MTREX: variants seen among roughly 807,000 people sequenced by gnomAD.
MTREX encodes the protein Mtr4 exosome RNA helicase.
MTREX carries 76 observed loss-of-function variants against 135.4 expected under a neutral mutation model. The observed-to-expected ratio is 0.56, with a 90% CI of 0.47 to 0.68. The LOEUF is 0.68. Among genes scored for constraint, MTREX ranks in the 30% least tolerant of loss-of-function variants. The pLI is 0.00. For missense variants in MTREX, 920 were observed against 1,262.1 expected, an observed-to-expected ratio of 0.73 and a Z score of 4.11; for synonymous variants, 404 against 401.6, an observed-to-expected ratio of 1.01 and a Z score of -0.07.
In MTREX at chr5:55,415,960, A is replaced by T; in HGVS notation, c.2809-10A>T. ...ATAAGTAAGGAATTTTAACTCTTTTATCTTTAAAGGAATGTGCTAAAAGAA... is the reference window on the plus strand; with the variant it reads ...ATAAGTAAGGAATTTTAACTCTTTTTTCTTTAAAGGAATGTGCTAAAAGAA... On this transcript the variant is annotated splice_polypyrimidine_tract_variant and intron_variant, in intron 24 of 26. Transcript: ENST00000230640. 1 of 1,569,156 alleles carries T rather than the reference A, an allele frequency of 6.4e-7. No individual in the cohort carries two copies. Among genetic ancestry groups the T allele is most frequent in the South Asian group, 1.2e-5 (1 of 83,384 alleles).
chr5:55,399,190 C>G lies in MTREX; in HGVS notation c.2293-1043C>G, dbSNP rs573371638. ...CCTGAAACTGTACCATATGCACTTA[C>G]CAGAGATATCAGTCTTTTGAAAGAG... On this transcript the variant is annotated intron_variant, in intron 20 of 26. Transcript: ENST00000230640. Among the ~76,000 whole-genome samples the G allele has an allele frequency of 1.1e-4, 17 of 152,246 alleles. No individual in the cohort carries two copies. The South Asian group carries it at 3.5e-3, about 32-fold the overall frequency.
chr5:55,371,937 A>G (rs1390791486), intron 16 of MTREX, among the ~76,000 whole-genome samples: 2 of 152,194 alleles, frequency 1.3e-5, no homozygotes, highest in Non-Finnish European at 2.9e-5. Context: ...CACTAGTTAA[A>G]TAGTCTGAGC....
At chr5:55,311,186 ATCAAG>A in intron 1 of MTREX, among the ~76,000 whole-genome samples, 1 of 152,206 alleles carries the variant, frequency 6.6e-6, no homozygotes, top group Non-Finnish European at 1.5e-5. Flanking sequence ...CTTCACCAAT[ATCAAG>A]TCATGATCAG....
intron 16 of MTREX, among the ~76,000 whole-genome samples, chr5:55,373,041 A>C (rs1750231853): frequency 6.6e-6 from 1 of 151,540 alleles, no homozygotes; most frequent in Non-Finnish European, 1.5e-5. Context: ...AGGCCTTAGA[A>C]ATTAGATTTT....
chr5:55,318,473 C>T (rs987440711), intron 1 of MTREX, among the ~76,000 whole-genome samples: 6 of 152,314 alleles, frequency 3.9e-5, no homozygotes, highest in African/African-American at 1.4e-4. Context: ...TTTGCAGGAA[C>T]ATGGATGGAG....
chr5:55,354,464 G>C (rs1295816147), intron 14 of MTREX, among the ~76,000 whole-genome samples: 1 of 152,202 alleles, frequency 6.6e-6, no homozygotes, highest in East Asian at 1.9e-4. Context: ...TGAAATTGGT[G>C]ATTCTCTCTG....
chr5:55,378,184 C>CAT (rs1750336651), intron 16 of MTREX, 130 bp from the exon 17 acceptor site: 2 of 1,049,980 alleles, frequency 1.9e-6, no homozygotes, highest in Non-Finnish European at 1.3e-6. Flanking sequence ...TAGAGACTTA[C>CAT]AGGAAGGTGG....
intron 5 of MTREX, among the ~76,000 whole-genome samples, chr5:55,332,803 T>G (rs1265131540): frequency 6.6e-6 from 1 of 152,186 alleles, no homozygotes; most frequent in Non-Finnish European, 1.5e-5. Context: ...TACATACATT[T>G]CGTAGGGGTC....
At chr5:55,339,139 C>T (rs1749602439) in intron 5 of MTREX, among the ~76,000 whole-genome samples, 1 of 152,008 alleles carries the variant, frequency 6.6e-6, no homozygotes, top group Admixed American at 6.6e-5. Flanking sequence ...GTTTTGGTTC[C>T]TTTTTGAGAC....
Position 55,353,036 on chromosome 5 carries a change from C to G in MTREX, c.1432-132C>G, listed in dbSNP as rs563439605. On this transcript the variant is annotated intron_variant, in intron 13 of 26. Transcript: ENST00000230640. ...ATAAAATACGAAATAGGTTTGAGAA[C>G]ATATTGTTTGTTATTTTTGTAGGAT... is the stretch of plus-strand genomic sequence containing the variant. 1.0e-4 allele frequency: 51 copies of G among 492,898 alleles called. No individual in the cohort carries two copies. In the South Asian group the frequency reaches 1.7e-3, roughly 17 times the overall value. The allele number at this position is 492,898 out of a possible 1,614,324, so 30.5% of individuals were successfully genotyped here.
Position 55,388,061 on chromosome 5 carries a change from G to A in MTREX, c.2140G>A (p.Ala714Thr), listed in dbSNP as rs1750507337. 3 of 1,609,222 alleles carry A rather than the reference G, an allele frequency of 1.9e-6. No homozygotes were observed. The highest frequency in any genetic ancestry group is 1.6e-4 in the Middle Eastern group (1 of 6,064). The change falls in exon 19 of 27, where the codon GCT becomes ACT. Residue 714 changes from alanine (A) to threonine (T), a missense_variant. Ala to Thr is a moderately conservative substitution (Grantham distance 58). This residue lies in a region of MTREX where 467 missense variants were observed against 589.7 expected (regional missense o/e 0.79). Transcript: ENST00000230640. ...GAGCTTGAAAAATTCAGCTACAGAA[G>A]CTGCAAAACCAGCTAAACCTGATGA... ...KESLKNSATE[A>T]AKPAKPDEKG...
intron 2 of MTREX, 59 bp from the exon 3 acceptor site, chr5:55,324,070 CTTA>C (rs1244867616): frequency 1.7e-6 from 2 of 1,180,114 alleles, no homozygotes; most frequent in Non-Finnish European, 2.5e-6. Context: ...CAATGTGAGG[CTTA>C]TTATCAAATT....
chr5:55,340,605 G>A (rs1235061538), intron 6 of MTREX, among the ~76,000 whole-genome samples: 3 of 152,006 alleles, frequency 2.0e-5, no homozygotes, highest in Admixed American at 6.6e-5. Context: ...TTTTTGAGAT[G>A]GAGTCTCGTT....
intron 14 of MTREX, 87 bp downstream of exon 14, chr5:55,353,356 T>C: frequency 1.3e-6 from 1 of 764,376 alleles, no homozygotes; most frequent in Non-Finnish European, 2.1e-6. Flanking sequence ...AGATTTTAAG[T>C]CCCACCTACT....
chr5:55,364,443 A>G (rs1019089056), intron 15 of MTREX, among the ~76,000 whole-genome samples: 4 of 152,184 alleles, frequency 2.6e-5, no homozygotes, highest in Non-Finnish European at 4.4e-5. Context: ...TTTCCATTCT[A>G]TTTCGTTGGG....
At chr5:55,405,252 G>T in intron 21 of MTREX, 173 bp from the exon 22 acceptor site, 1 of 508,690 alleles carries the variant, frequency 2.0e-6, no homozygotes, top group Non-Finnish European at 3.5e-6. Context: ...AATGTTCCGG[G>T]AATGTATCTA....
chr5:55,347,569 TG>T (rs1749758854), intron 11 of MTREX, among the ~76,000 whole-genome samples: 2 of 152,228 alleles, frequency 1.3e-5, no homozygotes, highest in Admixed American at 1.3e-4. Context: ...TTAACTATTT[TG>T]TAATTCTCAA....
Position 55,338,842 on chromosome 5 carries a change from G to A in MTREX, c.516-1168G>A, listed in dbSNP as rs1490579946. Among the ~76,000 whole-genome samples, 7 of 137,758 alleles carry A rather than the reference G, an allele frequency of 5.1e-5. No individual in the cohort carries two copies. The East Asian group carries it at 1.6e-3, about 31-fold the overall frequency. 90.4% of individuals were successfully genotyped at this position (137,758 alleles called of 152,430 possible). ...GTCTCACTCTGTCACCCAGGCTGGAGTACAATGACGTGATGTTGGCTCACT... is the reference window on the plus strand; with the variant it reads ...GTCTCACTCTGTCACCCAGGCTGGAATACAATGACGTGATGTTGGCTCACT... On this transcript the variant is annotated intron_variant, in intron 5 of 26. Coordinates refer to ENST00000230640, the MANE Select transcript of MTREX (RefSeq NM_015360.5).
At chr5:55,334,963 C>A (rs1415217369) in intron 5 of MTREX, among the ~76,000 whole-genome samples, 1 of 151,968 alleles carries the variant, frequency 6.6e-6, no homozygotes, top group African/African-American at 2.4e-5. Context: ...ATATTCCTAC[C>A]AGTAATGTAT....
Sources: allele counts gnomAD v4.1 joint callset (sites outside exome capture counted in the v4.1 genomes callset), GRCh38; gene constraint gnomAD v4.1.1; regional missense constraint gnomAD v4.1.1; transcripts MANE v1.5; gene names NCBI Gene and HGNC (gene_info 2026-07-23, HGNC 2026-07-21).